The following ZNF469 variants were observed in gnomAD, a reference collection of about 807,000 sequenced individuals.
ZNF469 encodes the protein zinc finger protein 469.
Under a neutral mutation model 1.0 loss-of-function variants are expected in ZNF469, and 1 was observed. The observed-to-expected ratio is 1.00, with a 90% CI of 0.35 to 4.73. ZNF469 has a LOEUF of 4.73. Among genes scored for constraint, ZNF469 ranks in the 30% most tolerant of loss-of-function variants. ZNF469 has a pLI of 0.16. For synonymous variants in ZNF469, 2,703 were observed against 2,363.4 expected, an observed-to-expected ratio of 1.14 and a Z score of -4.17; for missense variants, 6,100 against 5,356.3, an observed-to-expected ratio of 1.14 and a Z score of -4.33.
rs1420570127 is a variant in ZNF469, at chr16:88,428,912, C to G, written c.1442C>G (p.Pro481Arg). 2 of 1,546,736 alleles carry G rather than the reference C, an allele frequency of 1.3e-6. No individual in the cohort carries two copies. The highest frequency in any genetic ancestry group is 1.7e-6 in the Non-Finnish European group (2 of 1,145,624). The change falls in exon 3 of 3, where the codon CCC becomes CGC. Residue 481 changes from proline (P) to arginine (R), a missense_variant. By Grantham distance (103) the Pro-to-Arg change is moderately radical. Coordinates refer to ENST00000565624, the MANE Select transcript of ZNF469 (RefSeq NM_001367624.2). Reference sequence around the variant, plus strand: ...CGGCTCTGCCTCCCCCAGAGTGCCCCCCTGCCTTGGCCCCAAGTGCTCCCG... The same window carrying G: ...CGGCTCTGCCTCCCCCAGAGTGCCCGCCTGCCTTGGCCCCAAGTGCTCCCG... ...GQRLCLPQSAPLPWPQVLPTA... is the reference protein window; with the variant it reads ...GQRLCLPQSARLPWPQVLPTA...
chr16:88,108,032 G>A, the ZNF469 span, among the ~76,000 whole-genome samples: 1 of 152,222 alleles, frequency 6.6e-6, no homozygotes, highest in Admixed American at 6.5e-5. Flanking sequence ...GTGGATGCAG[G>A]GTAGAGAAGA....
chr16:88,142,670 C>G, the ZNF469 span, among the ~76,000 whole-genome samples: 3 of 152,220 alleles, frequency 2.0e-5, no homozygotes, highest in East Asian at 5.8e-4. Context: ...GTCTATAAAG[C>G]ACATGTCACC....
chr16:88,119,916 C>T, the ZNF469 span, among the ~76,000 whole-genome samples: 3 of 152,174 alleles, frequency 2.0e-5, no homozygotes, highest in Non-Finnish European at 2.9e-5. Flanking sequence ...ATTTGCAAAG[C>T]GAGAGCCGTC....
the ZNF469 span, among the ~76,000 whole-genome samples, chr16:88,183,274 G>A: frequency 0.014 from 2,200 of 152,256 alleles, 51 homozygotes; most frequent in African/African-American, 0.05. Flanking sequence ...TGAGTTGAAC[G>A]TACCCTTAAC....
rs1599341602 is a variant in ZNF469 at position 88,383,000 on chromosome 16, C to G, written c.-446C>G. On this transcript the variant is annotated 5_prime_UTR_variant, in exon 1 of 3. Coordinates refer to ENST00000565624, the MANE Select transcript of ZNF469 (RefSeq NM_001367624.2). Reference sequence around the variant, plus strand: ...GGCCGGCGTCCGGCCTTCCCAGCACCCGGCCCAGGGCTGGAGCTGGCTGCA... The same window carrying G: ...GGCCGGCGTCCGGCCTTCCCAGCACGCGGCCCAGGGCTGGAGCTGGCTGCA... Among the ~76,000 whole-genome samples the G allele has an allele frequency of 6.6e-6, 1 of 151,944 alleles. No individual in the cohort carries two copies. Among genetic ancestry groups the G allele is most frequent in the Non-Finnish European group, 1.5e-5 (1 of 67,954 alleles).
chr16:88,426,863 A>G (rs1469158580), intron 2 of ZNF469, among the ~76,000 whole-genome samples: 1 of 152,140 alleles, frequency 6.6e-6, no homozygotes, highest in Non-Finnish European at 1.5e-5. Context: ...ATGTCCTGCA[A>G]CGCAGCCTCC....
chr16:88,148,759 G>A, the ZNF469 span, among the ~76,000 whole-genome samples: 3 of 152,206 alleles, frequency 2.0e-5, no homozygotes, highest in Admixed American at 6.5e-5. Context: ...TTCTGGGGCT[G>A]GGCTGTTGGG....
the ZNF469 span, among the ~76,000 whole-genome samples, chr16:88,207,771 C>G: frequency 0.011 from 1,538 of 143,060 alleles, 97 homozygotes; most frequent in African/African-American, 0.036. Context: ...TGCCTCCTCT[C>G]CTATCTGAAA....
chr16:88,413,801 C>T (rs935116454), intron 1 of ZNF469, among the ~76,000 whole-genome samples: 1 of 152,228 alleles, frequency 6.6e-6, no homozygotes, highest in African/African-American at 2.4e-5. Flanking sequence ...GGCAGTGCCA[C>T]AGAGGCCTCT....
the ZNF469 span, among the ~76,000 whole-genome samples, chr16:88,301,813 C>T: frequency 6.6e-6 from 1 of 151,810 alleles, no homozygotes; most frequent in African/African-American, 2.4e-5. Flanking sequence ...CCCCTGCCAC[C>T]TGAGCCCCCT....
chr16:88,432,270 C>A lies in ZNF469; in HGVS notation c.4800C>A (p.Gly1600=). The part of the protein sequence containing the change: ...EAESVGRVEL[G]TGTEPPSQRR... ...AGTCGGTGGGCAGGGTGGAGCTCGG[C>A]ACAGGCACAGAGCCACCCTCCCAAC... Residue 1600 remains glycine (G), a synonymous_variant, in exon 3 of 3, where the codon GGC becomes GGA. Coordinates refer to ENST00000565624, the MANE Select transcript of ZNF469 (RefSeq NM_001367624.2). 6.5e-7 allele frequency: 1 copy of A among 1,547,510 alleles called. No individual in the cohort carries two copies. Among genetic ancestry groups the A allele is most frequent in the Non-Finnish European group, 8.7e-7 (1 of 1,146,962 alleles).
chr16:88,380,483 G>GACA (rs2092518909), upstream of ZNF469, among the ~76,000 whole-genome samples: 1 of 96,844 alleles, frequency 1.0e-5, no homozygotes, highest in Non-Finnish European at 2.0e-5. Context: ...TCACACATAC[G>GACA]TGCACACACA....
At chr16:88,281,630 C>G in the ZNF469 span, among the ~76,000 whole-genome samples, 3 of 150,950 alleles carry the variant, frequency 2.0e-5, no homozygotes, top group Non-Finnish European at 2.9e-5. Context: ...CACACCGATG[C>G]TTGGTCAGTA....
chr16:88,330,592 A>G, the ZNF469 span, among the ~76,000 whole-genome samples: 3 of 152,194 alleles, frequency 2.0e-5, no homozygotes, highest in Non-Finnish European at 2.9e-5. Context: ...GGACAGAGGG[A>G]CTAAGAAAGA....
At chr16:88,201,076 C>T in the ZNF469 span, among the ~76,000 whole-genome samples, 2 of 152,238 alleles carry the variant, frequency 1.3e-5, no homozygotes, top group Non-Finnish European at 2.9e-5. The surrounding 1 kb of genome is among the most constrained non-coding windows in gnomAD (Gnocchi z 5.0). Flanking sequence ...CGGGGATCCT[C>T]ACCCCGCAGG....
chr16:88,349,198 C>T, the ZNF469 span, among the ~76,000 whole-genome samples: 3 of 152,142 alleles, frequency 2.0e-5, no homozygotes, highest in East Asian at 1.9e-4. Flanking sequence ...CAGCCTTCCC[C>T]GACGGAGCAG....
the ZNF469 span, among the ~76,000 whole-genome samples, chr16:88,136,115 C>A: frequency 6.6e-6 from 1 of 152,118 alleles, no homozygotes; most frequent in African/African-American, 2.4e-5. Flanking sequence ...TGTCCACGTC[C>A]TAGTCCCTGG....
the ZNF469 span, among the ~76,000 whole-genome samples, chr16:88,105,747 G>C: frequency 6.6e-6 from 1 of 152,218 alleles, no homozygotes; most frequent in African/African-American, 2.4e-5. Context: ...CCTGGTGGGA[G>C]CTCGGTAGTT....
the ZNF469 span, among the ~76,000 whole-genome samples, chr16:88,147,281 A>G: frequency 2.0e-5 from 3 of 152,004 alleles, no homozygotes; most frequent in African/African-American, 7.3e-5. Flanking sequence ...AGCCTCCGGG[A>G]GCAGCCAGCC....
Sources: allele counts gnomAD v4.1 joint callset (sites outside exome capture counted in the v4.1 genomes callset), GRCh38; gene constraint gnomAD v4.1.1; non-coding constraint Gnocchi (gnomAD v3.1); transcripts MANE v1.5; gene names NCBI Gene and HGNC (gene_info 2026-07-23, HGNC 2026-07-21).